DNM3: variants seen among roughly 807,000 people sequenced by gnomAD.
DNM3 encodes the protein dynamin 3, also known as dynamin-3.
DNM3 carries 47 observed loss-of-function variants against 101.6 expected under a neutral mutation model. That is an observed-to-expected ratio of 0.46 (90% CI 0.37 to 0.59). The LOEUF (loss-of-function observed/expected upper bound fraction) is 0.59, where lower values mean the gene tolerates loss of function less well. Ranked by LOEUF, DNM3 falls within the 20% of genes least tolerant of loss-of-function variation. The pLI, the probability that DNM3 is intolerant of heterozygous loss-of-function variation, is 0.00. For missense variants in DNM3, 849 were observed against 1,085.7 expected (o/e 0.78, Z 3.06); for synonymous variants, 385 against 387.9 (o/e 0.99, Z 0.09).
chr1:172,232,480 G>A (rs1365384709), intron 14 of DNM3, among the ~76,000 whole-genome samples: 5 of 152,038 alleles, frequency 3.3e-5, no homozygotes, highest in African/African-American at 9.7e-5. Flanking sequence ...ACAGATCAAC[G>A]AGACAGAAAG....
intron 18 of DNM3, among the ~76,000 whole-genome samples, chr1:172,381,626 C>T (rs1000917067): frequency 2.0e-5 from 3 of 151,978 alleles, no homozygotes; most frequent in Non-Finnish European, 2.9e-5. Flanking sequence ...TCATTCCACA[C>T]GTGACCTGTT....
At chr1:172,340,819 G>A (rs1173217545) in intron 17 of DNM3, among the ~76,000 whole-genome samples, 3 of 152,118 alleles carry the variant, frequency 2.0e-5, no homozygotes, top group Admixed American at 6.5e-5. Context: ...GATAGCTCTG[G>A]CCAAGACTTC....
chr1:171,880,448 T>C (rs1030097824), intron 1 of DNM3, among the ~76,000 whole-genome samples: 4 of 152,336 alleles, frequency 2.6e-5, no homozygotes, highest in Admixed American at 1.3e-4. Context: ...CTGGTGATTA[T>C]GCTAGTGCAT....
intron 14 of DNM3, among the ~76,000 whole-genome samples, chr1:172,172,847 G>A (rs1044683164): frequency 2.6e-5 from 4 of 151,814 alleles, no homozygotes; most frequent in African/African-American, 7.2e-5. Flanking sequence ...TTAAACAAAC[G>A]GTGATGCAGT....
intron 14 of DNM3, among the ~76,000 whole-genome samples, chr1:172,177,041 G>A (rs911223225): frequency 2.0e-5 from 3 of 151,868 alleles, no homozygotes. Flanking sequence ...GGTGACTGAA[G>A]GTGCTTAACG....
At chr1:172,164,156 A>G (rs1227483953) in intron 14 of DNM3, among the ~76,000 whole-genome samples, 1 of 151,962 alleles carries the variant, frequency 6.6e-6, no homozygotes, top group Non-Finnish European at 1.5e-5. Context: ...TCCTACTTAA[A>G]GTAATAAAGG....
chr1:172,227,794 G>A (rs1190596141), intron 14 of DNM3, among the ~76,000 whole-genome samples: 2 of 151,972 alleles, frequency 1.3e-5, no homozygotes, highest in East Asian at 1.9e-4. Context: ...CCTCCAAAAG[G>A]CTGTGCCAGT....
chr1:171,953,974 G>A (rs1195978165), intron 2 of DNM3, among the ~76,000 whole-genome samples: 2 of 152,120 alleles, frequency 1.3e-5, no homozygotes, highest in Non-Finnish European at 2.9e-5. Flanking sequence ...TGTCAGTAAA[G>A]CTGTTAAAGC....
intron 15 of DNM3, among the ~76,000 whole-genome samples, chr1:172,256,924 A>G (rs1193304720): frequency 1.5e-5 from 2 of 136,706 alleles, no homozygotes; most frequent in African/African-American, 5.3e-5. Context: ...TTTTTGAGCT[A>G]TTTAAAAGTG....
chr1:172,066,251 G>A (rs906258497), intron 10 of DNM3, among the ~76,000 whole-genome samples: 1 of 152,038 alleles, frequency 6.6e-6, no homozygotes, highest in Non-Finnish European at 1.5e-5. Flanking sequence ...ATTTTCTGTA[G>A]TTTATAACAA....
chr1:171,863,413 G>A (rs1571301426), intron 1 of DNM3, among the ~76,000 whole-genome samples: 1 of 151,966 alleles, frequency 6.6e-6, no homozygotes, highest in East Asian at 1.9e-4. Flanking sequence ...GCAGAGGGAG[G>A]GGCAGAAAGA....
intron 1 of DNM3, among the ~76,000 whole-genome samples, chr1:171,888,669 A>G: frequency 6.6e-6 from 1 of 152,222 alleles, no homozygotes; most frequent in Non-Finnish European, 1.5e-5. Context: ...CATCTGATGC[A>G]TTCTTGTTTT....
rs564822261 is a variant in DNM3 at position 172,084,985 on chromosome 1, T to C, written c.1493+3083T>C. Among the ~76,000 whole-genome samples, 9 of 152,294 alleles carry C rather than the reference T, an allele frequency of 5.9e-5. No homozygotes were observed. The South Asian group carries it at 1.9e-3, about 32-fold the overall frequency. On this transcript the variant is annotated intron_variant, in intron 12 of 20. Transcript: ENST00000627582. The stretch of plus-strand genomic sequence containing the variant: ...TTCAGGACATCTCAAAATTCTTCTT[T>C]CTGTTATAGAATTTATACTGTCATG...
At chr1:172,343,431 G>T (rs1245990073) in intron 17 of DNM3, among the ~76,000 whole-genome samples, 1 of 151,904 alleles carries the variant, frequency 6.6e-6, no homozygotes, top group East Asian at 1.9e-4. Flanking sequence ...TAAAGTATAT[G>T]ATTTACACCA....
chr1:171,946,264 G>T (rs928237092), intron 2 of DNM3, among the ~76,000 whole-genome samples: 1 of 152,134 alleles, frequency 6.6e-6, no homozygotes, highest in Admixed American at 6.5e-5. Flanking sequence ...CAAGAAAAAA[G>T]ATATTTTTAT....
intron 1 of DNM3, among the ~76,000 whole-genome samples, chr1:171,881,883 A>T (rs1460803450): frequency 1.3e-5 from 2 of 152,204 alleles, no homozygotes; most frequent in Non-Finnish European, 2.9e-5. Context: ...TTGGCGTGAA[A>T]ACGTTGCATA....
At chr1:172,174,223 CA>C (rs2059072293) in intron 14 of DNM3, among the ~76,000 whole-genome samples, 1 of 151,442 alleles carries the variant, frequency 6.6e-6, no homozygotes, top group African/African-American at 2.4e-5. Flanking sequence ...GAACCTGAAA[CA>C]AATTTGATGG....
intron 1 of DNM3, among the ~76,000 whole-genome samples, chr1:171,845,686 A>G (rs2031970811): frequency 6.6e-6 from 1 of 152,264 alleles, no homozygotes; most frequent in Admixed American, 6.5e-5. Flanking sequence ...ATTAAAAGAT[A>G]AGTATTTTTC....
chr1:172,203,555 A>G (rs2060224313), intron 14 of DNM3, among the ~76,000 whole-genome samples: 2 of 152,156 alleles, frequency 1.3e-5, no homozygotes, highest in African/African-American at 4.8e-5. Context: ...GATTATGGTA[A>G]ACAACCAGAT....
Sources: gnomAD v4.1 joint callset for allele counts (sites outside exome capture counted in the v4.1 genomes callset) on GRCh38, gnomAD v4.1.1 for gene constraint, MANE v1.5 for transcripts, NCBI Gene and HGNC (gene_info 2026-07-23, HGNC 2026-07-21) for gene names.